TFEC: variants seen among roughly 807,000 people sequenced by gnomAD.
TFEC encodes the protein transcription factor EC.
TFEC carries 31 observed loss-of-function variants against 41.6 expected under a neutral mutation model. That is an observed-to-expected ratio of 0.74 (90% CI 0.56 to 1.01). The LOEUF (loss-of-function observed/expected upper bound fraction) is 1.01, where lower values mean the gene tolerates loss of function less well. Among genes scored for constraint, TFEC ranks in the 50% least tolerant of loss-of-function variants. The pLI, the probability that TFEC is intolerant of heterozygous loss-of-function variation, is 0.00. For synonymous variants in TFEC, 143 were observed against 140.6 expected (o/e 1.02, Z -0.12); for missense variants, 402 against 404.1 (o/e 0.99, Z 0.04).
intron 1 of TFEC, among the ~76,000 whole-genome samples, chr7:116,012,310 G>C (rs1451824300): frequency 6.6e-6 from 1 of 152,108 alleles, no homozygotes; most frequent in Non-Finnish European, 1.5e-5. Context: ...ATCAACAATT[G>C]TGTTTAGATG....
intron 1 of TFEC, among the ~76,000 whole-genome samples, chr7:116,147,094 T>G (rs957275296): frequency 6.6e-6 from 1 of 152,080 alleles, no homozygotes; most frequent in African/African-American, 2.4e-5. Context: ...AATATTAAAG[T>G]TAAAAGATGT....
At chr7:116,042,889 T>C (rs905973062) in intron 3 of TFEC, among the ~76,000 whole-genome samples, 2 of 152,186 alleles carry the variant, frequency 1.3e-5, no homozygotes, top group Admixed American at 6.6e-5. Flanking sequence ...ATGACTCATA[T>C]TCTTCAGAAA....
intron 3 of TFEC, among the ~76,000 whole-genome samples, chr7:115,970,568 T>C (rs1793087307): frequency 6.6e-6 from 1 of 151,964 alleles, no homozygotes; most frequent in Non-Finnish European, 1.5e-5. Flanking sequence ...TTATTAAAGA[T>C]TGATAAATGC....
At chr7:115,956,240 C>T (rs1404146756) in intron 4 of TFEC, among the ~76,000 whole-genome samples, 1 of 151,170 alleles carries the variant, frequency 6.6e-6, no homozygotes, top group African/African-American at 2.4e-5. Flanking sequence ...ATAAAACAAG[C>T]TAAAAAGAAA....
chr7:116,098,535 C>T (rs1009712108), intron 3 of TFEC, among the ~76,000 whole-genome samples: 2 of 151,914 alleles, frequency 1.3e-5, no homozygotes, highest in African/African-American at 2.4e-5. Flanking sequence ...TCCTACTGTA[C>T]ATGCACCAAA....
At chr7:116,142,512 A>C (rs1798562342) in intron 1 of TFEC, among the ~76,000 whole-genome samples, 1 of 152,136 alleles carries the variant, frequency 6.6e-6, no homozygotes, top group Admixed American at 6.6e-5. Flanking sequence ...ACCCTAGTTG[A>C]ACCAATCAGA....
chr7:116,147,094 T>A (rs957275296), intron 1 of TFEC, among the ~76,000 whole-genome samples: 6 of 152,080 alleles, frequency 3.9e-5, no homozygotes, highest in Non-Finnish European at 8.8e-5. Context: ...AATATTAAAG[T>A]TAAAAGATGT....
At chr7:116,114,778 G>A (rs1797938021) in intron 1 of TFEC, among the ~76,000 whole-genome samples, 1 of 151,930 alleles carries the variant, frequency 6.6e-6, no homozygotes. Flanking sequence ...GGCTCCCTCG[G>A]TTGAGACTGA....
intron 1 of TFEC, among the ~76,000 whole-genome samples, chr7:115,994,789 T>C (rs1794287295): frequency 6.6e-6 from 1 of 152,156 alleles, no homozygotes; most frequent in Admixed American, 6.5e-5. Flanking sequence ...GACAGGGTGG[T>C]GATTCCTCAA....
At chr7:116,085,020 G>A (rs1307794111) in intron 3 of TFEC, among the ~76,000 whole-genome samples, 2 of 151,868 alleles carry the variant, frequency 1.3e-5, no homozygotes, top group African/African-American at 4.8e-5. Flanking sequence ...CTTAGGAACA[G>A]GAGATAGCTT....
intron 6 of TFEC, among the ~76,000 whole-genome samples, chr7:115,946,037 T>G (rs1231002755): frequency 2.6e-5 from 4 of 151,586 alleles, no homozygotes; most frequent in Non-Finnish European, 5.9e-5. Context: ...TAGAAAGGAG[T>G]CTTTAGATAA....
At chr7:116,037,749 A>G (rs1795943831) in intron 3 of TFEC, among the ~76,000 whole-genome samples, 1 of 152,014 alleles carries the variant, frequency 6.6e-6, no homozygotes, top group African/African-American at 2.4e-5. Context: ...ATTGAAACTT[A>G]CCAAGATTTT....
At chr7:116,015,853 T>C (rs1342159468) in intron 1 of TFEC, among the ~76,000 whole-genome samples, 1 of 152,086 alleles carries the variant, frequency 6.6e-6, no homozygotes, top group African/African-American at 2.4e-5. Context: ...CTTAATGAAA[T>C]GAGAGCCTGT....
At chr7:116,053,553 GAGGGC>G (rs1451965962) in intron 3 of TFEC, among the ~76,000 whole-genome samples, 14 of 152,234 alleles carry the variant, frequency 9.2e-5, no homozygotes, top group South Asian at 2.1e-4. Context: ...ATTTGATCAT[GAGGGC>G]AGAGCCCTCT....
At chr7:116,019,941 A>G (rs1270011831) in intron 1 of TFEC, among the ~76,000 whole-genome samples, 2 of 152,170 alleles carry the variant, frequency 1.3e-5, no homozygotes, top group Non-Finnish European at 2.9e-5. Context: ...TATTCTGGTG[A>G]ACTCTTCAAT....
intron 1 of TFEC, among the ~76,000 whole-genome samples, chr7:115,992,213 A>G (rs1010665462): frequency 6.6e-6 from 1 of 152,232 alleles, no homozygotes; most frequent in Non-Finnish European, 1.5e-5. Context: ...AGCAGTGTGT[A>G]GAGGGAAATT....
At chr7:116,036,842 G>A (rs535905903) in intron 3 of TFEC, among the ~76,000 whole-genome samples, 1 of 152,184 alleles carries the variant, frequency 6.6e-6, no homozygotes, top group Admixed American at 6.6e-5. Context: ...CCTTATATCT[G>A]ACTTTTGGCC....
rs1297741129 is a variant in TFEC, at chr7:115,936,026, A to G, written c.*4525T>C. The G allele has an allele frequency of 6.6e-6, 1 of 151,618 alleles. No individual in the cohort carries two copies. The highest frequency in any genetic ancestry group is 1.5e-5 in the Non-Finnish European group (1 of 67,604). The allele number at this position is 151,618 out of a possible 1,614,324, so 9.4% of individuals were successfully genotyped here. A position where few individuals can be genotyped will look rare whatever the true frequency, so the allele number is the denominator to read the frequency against. On this transcript the variant is annotated 3_prime_UTR_variant, in exon 8 of 8. Coordinates refer to ENST00000265440, the MANE Select transcript of TFEC (RefSeq NM_012252.4). Reference sequence around the variant, plus strand: ...GCTGTTTTCGGATAATCTCCTATACATTCAAATCTCTATGGACCTCAGAGG... The same window carrying G: ...GCTGTTTTCGGATAATCTCCTATACGTTCAAATCTCTATGGACCTCAGAGG...
intron 3 of TFEC, among the ~76,000 whole-genome samples, chr7:115,971,024 TC>T (rs1308432540): frequency 1.3e-5 from 2 of 151,992 alleles, no homozygotes; most frequent in Non-Finnish European, 2.9e-5. Context: ...TGGTAAATAT[TC>T]TCATTTTTGA....
Sources: gnomAD v4.1 joint callset for allele counts (sites outside exome capture counted in the v4.1 genomes callset) on GRCh38, gnomAD v4.1.1 for gene constraint, MANE v1.5 for transcripts, NCBI Gene and HGNC (gene_info 2026-07-23, HGNC 2026-07-21) for gene names.